Variants in SCP2 observed in about 807,000 individuals in gnomAD.
The protein encoded by SCP2 is SCP-2/3-oxoacyl-CoA thiolase.
A neutral mutation model predicts 71.4 loss-of-function variants in SCP2; 48 were observed. That is an observed-to-expected ratio of 0.67 (90% CI 0.53 to 0.86). The LOEUF is 0.86. SCP2 is among the 40% of genes least tolerant of loss of function. The pLI is 0.00. For missense variants in SCP2, 560 were observed against 655.6 expected (o/e 0.85, Z 1.59); for synonymous variants, 220 against 218.1 (o/e 1.01, Z -0.08).
chr1:52,958,939 G>A lies in SCP2; in HGVS notation c.397-2564G>A, dbSNP rs1343510725. Among the ~76,000 whole-genome samples the A allele has an allele frequency of 2.6e-5, 4 of 152,182 alleles. No homozygotes were observed. In the South Asian group the frequency reaches 6.2e-4, roughly 24 times the overall value. ...TTTTTTTCTTTCCATTGTGCAGGTT[G>A]GTCTTGAACTTCAGGGCTCAAGTGA... On this transcript the variant is annotated intron_variant, in intron 5 of 15. Coordinates refer to ENST00000371514, the MANE Select transcript of SCP2 (RefSeq NM_002979.5).
intron 1 of SCP2, among the ~76,000 whole-genome samples, chr1:52,930,693 G>T (rs1338689086): frequency 6.6e-6 from 1 of 152,098 alleles, no homozygotes; most frequent in Non-Finnish European, 1.5e-5. Context: ...TCAAATTTCA[G>T]TTTGAAAAAT....
intron 14 of SCP2, among the ~76,000 whole-genome samples, chr1:53,041,444 G>A (rs538580254): frequency 2.0e-5 from 3 of 152,042 alleles, no homozygotes; most frequent in African/African-American, 7.2e-5. Flanking sequence ...TTTGAAAGTC[G>A]TTTTGTATAT....
intron 6 of SCP2, among the ~76,000 whole-genome samples, chr1:52,966,915 C>T (rs550325044): frequency 7.6e-4 from 110 of 144,330 alleles, no homozygotes; most frequent in African/African-American, 2.8e-3. Flanking sequence ...GAGCCACGCA[C>T]GATGGCTCAT....
intron 11 of SCP2, among the ~76,000 whole-genome samples, chr1:53,013,134 C>T (rs955335243): frequency 3.0e-5 from 3 of 100,930 alleles, no homozygotes; most frequent in African/African-American, 1.2e-4. Flanking sequence ...TTTTTTGAGA[C>T]AGGGTCTCCC....
At position 53,026,063 on chromosome 1, in the gene SCP2, G is replaced by A. The variant is rs1478050140; in HGVS notation, c.1236-1906G>A. Among the ~76,000 whole-genome samples, 9 of 152,100 alleles carry A rather than the reference G, an allele frequency of 5.9e-5. No individual in the cohort carries two copies. In the East Asian group the frequency reaches 1.5e-3, roughly 26 times the overall value. The stretch of plus-strand genomic sequence containing the variant: ...TTTCTTCCTTTAATAAGGTCTTAGA[G>A]GTCATTCCTTGACTGTCCTTCCTAA... On this transcript the variant is annotated intron_variant, in intron 12 of 15. Transcript: ENST00000371514.
At chr1:52,961,745 G>A (rs577443327) in intron 6 of SCP2, 116 bp downstream of exon 6, 1 of 944,454 alleles carries the variant, frequency 1.1e-6, no homozygotes, top group South Asian at 1.4e-5. Flanking sequence ...GATGTAAAAT[G>A]TTTTTTGAAT....
intron 2 of SCP2, among the ~76,000 whole-genome samples, chr1:52,944,331 C>CT (rs1654571338): frequency 6.6e-6 from 1 of 151,456 alleles, no homozygotes; most frequent in African/African-American, 2.4e-5. Flanking sequence ...TTTTTGTTTT[C>CT]TTTTTTCTCT....
chr1:52,976,731 TA>T lies in SCP2; in HGVS notation c.639del (p.Glu214LysfsTer6). On this transcript the variant is annotated frameshift_variant, in exon 8 of 16. Coordinates refer to ENST00000371514, the MANE Select transcript of SCP2 (RefSeq NM_002979.5). LOFTEE classifies it high-confidence loss of function. Reference sequence around the variant, plus strand: ...ACAGTTTAGATGAAGTGATGGCATCTAAAGAAGTTTTTGATTTTTTGACTAT... The same window carrying T: ...ACAGTTTAGATGAAGTGATGGCATCTAAGAAGTTTTTGATTTTTTGACTAT... Reference protein sequence around the residue: ...EYSLDEVMASKEVFDFLTILQ... With the variant: ...EYSLDEVMASXEVFDFLTILQ... 1 of 1,566,948 alleles carries T rather than the reference TA, an allele frequency of 6.4e-7. No homozygotes were observed. The highest frequency in any genetic ancestry group is 8.8e-7 in the Non-Finnish European group (1 of 1,137,580).
intron 12 of SCP2, among the ~76,000 whole-genome samples, chr1:53,018,970 T>C (rs997613747): frequency 6.6e-6 from 1 of 152,208 alleles, no homozygotes; most frequent in African/African-American, 2.4e-5. Context: ...TTCTTGACCA[T>C]GATTTTTTTG....
intron 5 of SCP2, among the ~76,000 whole-genome samples, chr1:52,959,252 A>G (rs1378196680): frequency 1.3e-5 from 2 of 151,564 alleles, no homozygotes; most frequent in African/African-American, 2.4e-5. Context: ...CTGGAGTACA[A>G]TGGTGCAGTC....
In SCP2 at chr1:53,051,692, A is replaced by C. The variant is rs1011431228; in HGVS notation, c.*988A>C. The C allele has an allele frequency of 1.3e-5, 2 of 152,226 alleles. No homozygotes were observed. The highest frequency in any genetic ancestry group is 4.8e-5 in the African/African-American group (2 of 41,456). 9.4% of individuals were successfully genotyped at this position (152,226 alleles called of 1,614,324 possible). On this transcript the variant is annotated 3_prime_UTR_variant, in exon 16 of 16. Coordinates refer to ENST00000371514, the MANE Select transcript of SCP2 (RefSeq NM_002979.5). ...AAAGAGAAACGTTGGGGGATTTATA[A>C]ACTGAATGTTATCTGGACATAATCA... is the stretch of plus-strand genomic sequence containing the variant.
rs1664196255 is a variant in SCP2, at chr1:53,051,552, G to A, written c.*848G>A. 6.6e-6 allele frequency: 1 copy of A among 152,004 alleles called. No homozygotes were observed. Among genetic ancestry groups the A allele is most frequent in the Non-Finnish European group, 1.5e-5 (1 of 68,024 alleles). The allele number at this position is 152,004 out of a possible 1,614,324, so 9.4% of individuals were successfully genotyped here. On this transcript the variant is annotated 3_prime_UTR_variant, in exon 16 of 16. Transcript: ENST00000371514. ...ATTTCTTAAAATTCAGTGAGATATA[G>A]GATAAAATAATGCTTTGAGAAGAAT...
intron 5 of SCP2, among the ~76,000 whole-genome samples, chr1:52,956,177 G>A (rs373609109): frequency 2.6e-5 from 4 of 152,040 alleles, no homozygotes; most frequent in African/African-American, 7.2e-5. Context: ...GGTGATATGC[G>A]CCCGTAATCC....
intron 11 of SCP2, among the ~76,000 whole-genome samples, chr1:52,991,930 T>A (rs1184001287): frequency 6.6e-6 from 1 of 152,182 alleles, no homozygotes; most frequent in African/African-American, 2.4e-5. Flanking sequence ...ACTATTGAAT[T>A]GCTTAAATAC....
chr1:52,959,216 A>G (rs1485160637), intron 5 of SCP2, among the ~76,000 whole-genome samples: 1 of 146,746 alleles, frequency 6.8e-6, no homozygotes, highest in Non-Finnish European at 1.5e-5. Context: ...TTTTTTTGAG[A>G]TGGAATTTCA....
At chr1:52,934,944 G>T (rs1653563405) in intron 1 of SCP2, 2 of 147,660 alleles carry the variant, frequency 1.4e-5, no homozygotes, top group Admixed American at 6.7e-5. Context: ...GATTACAGGC[G>T]TGAACCACCG....
At chr1:52,943,840 G>T in intron 2 of SCP2, 1 of 450,916 alleles carries the variant, frequency 2.2e-6, no homozygotes, top group African/African-American at 2.0e-5. Flanking sequence ...CTGCAGTAGA[G>T]GGCACACTCT....
Position 53,037,922 on chromosome 1 carries a change from A to ACACACACACACAC in SCP2, c.1339-987_1339-986insCACACCACACACA, listed in dbSNP as rs778637730. On this transcript the variant is annotated intron_variant, in intron 13 of 15. Transcript: ENST00000371514. ...CACACACACACACACACACACACAC[A>ACACACACACACAC]CACACACAGATCCAGATCCTGTCTC... Among the ~76,000 whole-genome samples, 66 of 133,964 alleles carry ACACACACACACAC rather than the reference A, an allele frequency of 4.9e-4. 1 individual carries two copies. Among genetic ancestry groups the ACACACACACACAC allele is most frequent in the African/African-American group, 1.5e-3 (55 of 35,622 alleles). The allele number at this position is 133,964 out of a possible 152,430, so 87.9% of individuals were successfully genotyped here. A position where few individuals can be genotyped will look rare whatever the true frequency, so the allele number is the denominator to read the frequency against.
At chr1:52,929,078 T>C (rs1652868140) in intron 1 of SCP2, among the ~76,000 whole-genome samples, 1 of 152,064 alleles carries the variant, frequency 6.6e-6, no homozygotes, top group African/African-American at 2.4e-5. Context: ...GGAGTTTGGG[T>C]AGTGCCATTA....
Sources: gnomAD v4.1 joint callset for allele counts (sites outside exome capture counted in the v4.1 genomes callset) on GRCh38, gnomAD v4.1.1 for gene constraint, MANE v1.5 for transcripts, NCBI Gene and HGNC (gene_info 2026-07-23, HGNC 2026-07-21) for gene names.